The following SINHCAF variants were observed in gnomAD, a reference collection of about 807,000 sequenced individuals.
SINHCAF encodes SIN3-HDAC complex-associated factor.
A neutral mutation model predicts 25.8 loss-of-function variants in SINHCAF; 3 were observed. The ratio of observed to expected loss-of-function variants is 0.12; its 90% CI spans 0.05 to 0.30. The LOEUF (loss-of-function observed/expected upper bound fraction) is 0.30. SINHCAF is among the 10% of genes least tolerant of loss of function. SINHCAF has a pLI of 1.00. For missense variants in SINHCAF, 121 were observed against 262.3 expected, an observed-to-expected ratio of 0.46 and a Z score of 3.72; for synonymous variants, 70 against 85.5, an observed-to-expected ratio of 0.82 and a Z score of 1.00.
chr12:31,292,268 G>A (rs554879280), intron 4 of SINHCAF, among the ~76,000 whole-genome samples: 2 of 152,230 alleles, frequency 1.3e-5, no homozygotes, highest in South Asian at 4.1e-4. Flanking sequence ...TTGGGAAGCC[G>A]AGGTGGGTGG....
At chr12:31,285,414 T>TACACACACACACACAC (rs1258167143) in intron 5 of SINHCAF, among the ~76,000 whole-genome samples, 4 of 43,916 alleles carry the variant, frequency 9.1e-5, no homozygotes, top group African/African-American at 2.9e-4. Flanking sequence ...TTTATATATA[T>TACACACACACACACAC]ACATACACAC....
Position 31,282,638 on chromosome 12 carries a change from T to A in SINHCAF, c.*74A>T. 3.1e-6 allele frequency: 4 copies of A among 1,283,514 alleles called. No homozygotes were observed. Among genetic ancestry groups the A allele is most frequent in the East Asian group, 2.5e-5 (1 of 39,646 alleles). 79.5% of individuals were successfully genotyped at this position (1,283,514 alleles called of 1,614,324 possible). A position where few individuals can be genotyped will look rare whatever the true frequency, so the allele number is the denominator to read the frequency against. The stretch of plus-strand genomic sequence containing the variant: ...ACTCCGTCTCAAAAAAAAAAGAGGG[T>A]CAGTTTGTAGCTTTGTGGTTTTTCA... On this transcript the variant is annotated 3_prime_UTR_variant, in exon 6 of 6. Coordinates refer to ENST00000337682, the MANE Select transcript of SINHCAF (RefSeq NM_001135812.2).
intron 1 of SINHCAF, chr12:31,305,266 T>C (rs1938972504): frequency 6.6e-6 from 1 of 152,146 alleles, no homozygotes; most frequent in African/African-American, 2.4e-5. Flanking sequence ...ACAGACAAAA[T>C]TTCCAGGTTG....
At position 31,293,805 on chromosome 12, in the gene SINHCAF, T is replaced by C; in HGVS notation, c.355A>G (p.Asn119Asp). ...ACTAATGTTGTAATATCAAACTTAC[T>C]ATGACGTTTAAATTCCTTCTGCAGT... ...SKLQKEFKRH[N>D]SDAHSTTSSA... is the part of the protein sequence containing the mutation. The change falls in exon 4 of 6, where the codon AAT (asparagine) becomes GAT (aspartate). Residue 119 changes from asparagine (N) to aspartate (D), a missense_variant and splice_region_variant. By Grantham distance (23) the Asn-to-Asp change is conservative. Transcript: ENST00000337682. The C allele has an allele frequency of 6.3e-7, 1 of 1,598,308 alleles. No homozygotes were observed. The highest frequency in any genetic ancestry group is 8.5e-7 in the Non-Finnish European group (1 of 1,176,108).
Position 31,325,421 on chromosome 12 carries a change from C to A in SINHCAF, c.-21+603G>T. The A allele has an allele frequency of 2.8e-6, 1 of 352,800 alleles. No individual in the cohort carries two copies. Among genetic ancestry groups the A allele is most frequent in the Non-Finnish European group, 5.6e-6 (1 of 177,244 alleles). 21.9% of individuals were successfully genotyped at this position (352,800 alleles called of 1,614,324 possible). A position where few individuals can be genotyped will look rare whatever the true frequency, so the allele number is the denominator to read the frequency against. ...GCTCCGGCAGAGCCCAGCACTGACC[C>A]CCAAAGGCCGATTTAAAGACCCTCG... On this transcript the variant is annotated intron_variant, in intron 1 of 5. Transcript: ENST00000337682. The surrounding 1 kb of genome is among the most constrained non-coding windows in gnomAD (Gnocchi z 5.9).
In SINHCAF at chr12:31,324,076, G is replaced by GGGGGCCGCTCGCC. The variant is rs1405026370; in HGVS notation, c.-21+1935_-21+1947dup. ...CTCGCGTCGGGAGGAAAGTTCCTGC[G>GGGGGCCGCTCGCC]GGGGCCGCTCGCCGGGGCGAGGGCG... On this transcript the variant is annotated intron_variant, in intron 1 of 5. Transcript: ENST00000337682. This position sits in a 1 kb window ranked among gnomAD's most constrained non-coding sequence, Gnocchi z 5.5. 1 of 453,978 alleles carries GGGGGCCGCTCGCC rather than the reference G, an allele frequency of 2.2e-6. No homozygotes were observed. Among genetic ancestry groups the GGGGGCCGCTCGCC allele is most frequent in the Non-Finnish European group, 4.4e-6 (1 of 226,712 alleles). 28.1% of individuals were successfully genotyped at this position (453,978 alleles called of 1,614,324 possible).
At chr12:31,319,946 C>A (rs1433879633) in intron 1 of SINHCAF, among the ~76,000 whole-genome samples, 1 of 152,182 alleles carries the variant, frequency 6.6e-6, no homozygotes, top group African/African-American at 2.4e-5. Flanking sequence ...TGGAAGCCAA[C>A]TGAGCTCTTC....
At chr12:31,289,800 G>GC (rs1565490308) in intron 4 of SINHCAF, among the ~76,000 whole-genome samples, 1 of 146,410 alleles carries the variant, frequency 6.8e-6, no homozygotes. Flanking sequence ...GAAAATTTGG[G>GC]TTTTTTTTTT....
chr12:31,308,712 A>G (rs1332458803), intron 1 of SINHCAF, among the ~76,000 whole-genome samples: 1 of 152,186 alleles, frequency 6.6e-6, no homozygotes, highest in Admixed American at 6.5e-5. Flanking sequence ...GGGGCGCTGT[A>G]TATCCCTGTG....
Position 31,287,874 on chromosome 12 carries a change from T to C in SINHCAF, c.356-90A>G, listed in dbSNP as rs1290535945. 5 of 903,052 alleles carry C rather than the reference T, an allele frequency of 5.5e-6. No individual in the cohort carries two copies. In the African/African-American group the frequency reaches 8.5e-5, roughly 15 times the overall value. 55.9% of individuals were successfully genotyped at this position (903,052 alleles called of 1,614,324 possible). ...CTCAGCATAAGACACTGTGAAAGAG[T>C]TGGTAAAAAAGAAAAAGTAAAAAAT... On this transcript the variant is annotated intron_variant, in intron 4 of 5. Transcript: ENST00000337682.
At chr12:31,323,297 A>C (rs563942088) in intron 1 of SINHCAF, among the ~76,000 whole-genome samples, 1 of 152,318 alleles carries the variant, frequency 6.6e-6, no homozygotes, top group African/African-American at 2.4e-5. Context: ...TTGGGCAACT[A>C]AATGTGTTCA....
At chr12:31,306,241 G>A (rs752529709) in intron 1 of SINHCAF, among the ~76,000 whole-genome samples, 2 of 152,150 alleles carry the variant, frequency 1.3e-5, no homozygotes, top group Non-Finnish European at 2.9e-5. Flanking sequence ...CATCTCAAAA[G>A]GTCTAGGTAG....
In SINHCAF at chr12:31,280,752, A is replaced by G. The variant is rs923233114; in HGVS notation, c.*1960T>C. On this transcript the variant is annotated 3_prime_UTR_variant, in exon 6 of 6. Transcript: ENST00000337682. ...TACAGGCAAAGAGAGGTGGAAGGGG[A>G]AAAAGAAGACTGTGGTTGAGGTCTA... 1.3e-5 allele frequency: 2 copies of G among 152,518 alleles called. No homozygotes were observed. Among genetic ancestry groups the G allele is most frequent in the African/African-American group, 2.4e-5 (1 of 41,438 alleles). The allele number at this position is 152,518 out of a possible 1,614,324, so 9.4% of individuals were successfully genotyped here.
rs1378373628 is a variant in SINHCAF, at chr12:31,325,511, G to C, written c.-21+513C>G. 3.3e-6 allele frequency: 1 copy of C among 301,292 alleles called. No individual in the cohort carries two copies. Among genetic ancestry groups the C allele is most frequent in the Admixed American group, 4.6e-5 (1 of 21,736 alleles). The allele number at this position is 301,292 out of a possible 1,614,324, so 18.7% of individuals were successfully genotyped here. On this transcript the variant is annotated intron_variant, in intron 1 of 5. Coordinates refer to ENST00000337682, the MANE Select transcript of SINHCAF (RefSeq NM_001135812.2). The surrounding 1 kb of genome is among the most constrained non-coding windows in gnomAD (Gnocchi z 5.9). Reference sequence around the variant, plus strand: ...CGAATGGCGTTTATTGTCCACCCTAGTCCGAGGGCTGCAGTCAACTAAACC... The same window carrying C: ...CGAATGGCGTTTATTGTCCACCCTACTCCGAGGGCTGCAGTCAACTAAACC...
At position 31,325,096 on chromosome 12, in the gene SINHCAF, G is replaced by C. The variant is rs1243991275; in HGVS notation, c.-21+928C>G. On this transcript the variant is annotated intron_variant, in intron 1 of 5. Coordinates refer to ENST00000337682, the MANE Select transcript of SINHCAF (RefSeq NM_001135812.2). This position sits in a 1 kb window ranked among gnomAD's most constrained non-coding sequence, Gnocchi z 5.9. The stretch of plus-strand genomic sequence containing the variant: ...CCCTGCGGAGTTCACTGACTCCCGC[G>C]GCGTACACAACGCCGCCGCCTCCAT... 2.2e-6 allele frequency: 1 copy of C among 456,614 alleles called. No homozygotes were observed. Among genetic ancestry groups the C allele is most frequent in the Non-Finnish European group, 4.4e-6 (1 of 226,966 alleles). The allele number at this position is 456,614 out of a possible 1,614,324, so 28.3% of individuals were successfully genotyped here.
In SINHCAF at chr12:31,324,641, C is replaced by A; in HGVS notation, c.-21+1383G>T. On this transcript the variant is annotated intron_variant, in intron 1 of 5. Coordinates refer to ENST00000337682, the MANE Select transcript of SINHCAF (RefSeq NM_001135812.2). The surrounding 1 kb of genome is among the most constrained non-coding windows in gnomAD (Gnocchi z 5.5). Reference sequence around the variant, plus strand: ...CCCGAGCGCCGGGGGCCCGCACGGGCACATGCAGCCCTTTGTTTTCTGTCC... The same window carrying A: ...CCCGAGCGCCGGGGGCCCGCACGGGAACATGCAGCCCTTTGTTTTCTGTCC... 1 of 276,928 alleles carries A rather than the reference C, an allele frequency of 3.6e-6. No individual in the cohort carries two copies. The highest frequency in any genetic ancestry group is 7.2e-6 in the Non-Finnish European group (1 of 138,838). The allele number at this position is 276,928 out of a possible 1,614,324, so 17.2% of individuals were successfully genotyped here. A position where few individuals can be genotyped will look rare whatever the true frequency, so the allele number is the denominator to read the frequency against.
chr12:31,298,178 C>T lies in SINHCAF; in HGVS notation c.27G>A (p.Met9Ile). MFGFHKPK[M>I]YRSIEGCCIC... ...TACAGCAGCCCTCTATACTTCGGTA[C>T]ATCTTTGGCTTGTGAAAACCAAACA... is the stretch of plus-strand genomic sequence containing the variant. Residue 9 changes from methionine to isoleucine, a missense_variant, in exon 2 of 6, where the codon ATG becomes ATA. Met to Ile is a conservative substitution (Grantham distance 10, BLOSUM62 1). Transcript: ENST00000337682. 1.2e-6 allele frequency: 2 copies of T among 1,614,176 alleles called. No individual in the cohort carries two copies. The highest frequency in any genetic ancestry group is 1.7e-6 in the Non-Finnish European group (2 of 1,180,024).
intron 1 of SINHCAF, among the ~76,000 whole-genome samples, chr12:31,299,351 C>T (rs1028096144): frequency 6.6e-6 from 1 of 151,704 alleles, no homozygotes; most frequent in African/African-American, 2.4e-5. Context: ...GAGTCTCACT[C>T]TTTCACCCAG....
At position 31,324,152 on chromosome 12, in the gene SINHCAF, G is replaced by C. The variant is rs935861661; in HGVS notation, c.-21+1872C>G. On this transcript the variant is annotated intron_variant, in intron 1 of 5. Coordinates refer to ENST00000337682, the MANE Select transcript of SINHCAF (RefSeq NM_001135812.2). The surrounding 1 kb of genome is among the most constrained non-coding windows in gnomAD (Gnocchi z 5.5). The stretch of plus-strand genomic sequence containing the variant: ...GCTCGCCGCCACCTCCCTCACCTGC[G>C]CCGGAACAACGGGCCCCGCGCCAGC... The C allele has an allele frequency of 4.9e-6, 2 of 406,040 alleles. No homozygotes were observed. The highest frequency in any genetic ancestry group is 4.2e-5 in the African/African-American group (2 of 47,254). 25.2% of individuals were successfully genotyped at this position (406,040 alleles called of 1,614,324 possible).
Sources: allele counts gnomAD v4.1 joint callset (sites outside exome capture counted in the v4.1 genomes callset), GRCh38; gene constraint gnomAD v4.1.1; non-coding constraint Gnocchi (gnomAD v3.1); transcripts MANE v1.5; gene names NCBI Gene and HGNC (gene_info 2026-07-23, HGNC 2026-07-21).